HECTD4: variants seen among roughly 807,000 people sequenced by gnomAD.
The protein encoded by HECTD4 is HECT domain E3 ubiquitin protein ligase 4.
Under a neutral mutation model 471.5 loss-of-function variants are expected in HECTD4, and 114 were observed. That is an observed-to-expected ratio of 0.24 (90% confidence interval 0.21 to 0.28). The LOEUF (loss-of-function observed/expected upper bound fraction) is 0.28. Ranked by LOEUF, HECTD4 falls within the 10% of genes least tolerant of loss-of-function variation. The pLI, the probability that HECTD4 is intolerant of heterozygous loss-of-function variation, is 1.00. For missense variants in HECTD4, 3,866 were observed against 5,651.5 expected (o/e 0.68, Z 10.13); for synonymous variants, 2,012 against 2,256.0 (o/e 0.89, Z 3.07).
At chr12:112,190,756 G>C (rs1392160649) in intron 60 of HECTD4, 30 bp downstream of exon 60, 1 of 1,535,866 alleles carries the variant, frequency 6.5e-7, no homozygotes, top group South Asian at 1.3e-5. Context: ...CCCCACCCTA[G>C]ATTCCGATCC....
Position 112,250,252 on chromosome 12 carries a change from G to T in HECTD4, c.3842C>A (p.Pro1281His). Residue 1281 changes from proline (P) to histidine (H), a missense_variant, in exon 25 of 76, where the codon CCT becomes CAT. Transcript: ENST00000682272. ...AGGCAGATCAAAGTAGTTTCCAACA[G>T]GAGGCACGAGGACATCAGAGGGGTA... ...FTYPSDVLVP[P>H]VGNYFDLPRI... 1 of 1,613,996 alleles carries T rather than the reference G, an allele frequency of 6.2e-7. No homozygotes were observed. Among genetic ancestry groups the T allele is most frequent in the Non-Finnish European group, 8.5e-7 (1 of 1,179,870 alleles).
intron 18 of HECTD4, 51 bp from the exon 19 acceptor site, chr12:112,259,316 GA>G: frequency 6.3e-7 from 1 of 1,583,940 alleles, no homozygotes; most frequent in South Asian, 1.1e-5. Flanking sequence ...CCAAACATGT[GA>G]AGAAGCACTA....
chr12:112,171,280 A>G lies in HECTD4; in HGVS notation c.11786-17T>C. The G allele has an allele frequency of 6.3e-7, 1 of 1,588,888 alleles. No individual in the cohort carries two copies. Among genetic ancestry groups the G allele is most frequent in the Non-Finnish European group, 8.6e-7 (1 of 1,168,586 alleles). Reference sequence around the variant, plus strand: ...TGGGCACGTCTGAGGGCGCAGGAGCAGTCAGGCTGAGATCTCGGCCAGGTG... The same window carrying G: ...TGGGCACGTCTGAGGGCGCAGGAGCGGTCAGGCTGAGATCTCGGCCAGGTG... On this transcript the variant is annotated splice_polypyrimidine_tract_variant and intron_variant, in intron 67 of 75. Transcript: ENST00000682272.
Position 112,230,755 on chromosome 12 carries a change from A to G in HECTD4, c.6268T>C (p.Leu2090=). ...GGTGCCATGAGCAAGCTATGTAGCA[A>G]GGCGATCACTTCTGCAGCCATGCTG... ...ANSMAAEVIA[L]LHSLLMAPES... Residue 2090 remains leucine (L), a synonymous_variant, in exon 40 of 76, where the codon TTG becomes CTG. Transcript: ENST00000682272. 4 of 1,611,242 alleles carry G rather than the reference A, an allele frequency of 2.5e-6. No homozygotes were observed. Among genetic ancestry groups the G allele is most frequent in the Non-Finnish European group, 3.4e-6 (4 of 1,178,734 alleles).
chr12:112,164,414 C>A (rs963844886), intron 72 of HECTD4, 139 bp from the exon 73 acceptor site: 9 of 874,006 alleles, frequency 1.0e-5, no homozygotes, highest in Non-Finnish European at 1.6e-5. Flanking sequence ...ACACAGCTTT[C>A]GCCAATCAGA....
chr12:112,346,721 T>C (rs1045606552), intron 1 of HECTD4, among the ~76,000 whole-genome samples: 4 of 152,194 alleles, frequency 2.6e-5, no homozygotes, highest in African/African-American at 9.7e-5. Context: ...ACAGTTGCTC[T>C]GAGAGTCATA....
chr12:112,175,043 C>T (rs1348410697), intron 66 of HECTD4, among the ~76,000 whole-genome samples: 2 of 152,192 alleles, frequency 1.3e-5, no homozygotes, highest in African/African-American at 4.8e-5. Context: ...AAGCTGTGGC[C>T]TAGCTGTGCC....
intron 55 of HECTD4, 50 bp from the exon 56 acceptor site, chr12:112,195,116 C>T: frequency 6.7e-7 from 1 of 1,502,664 alleles, no homozygotes; most frequent in South Asian, 1.2e-5. Flanking sequence ...TGCTCCGGCC[C>T]CCATACCGGG....
At position 112,319,123 on chromosome 12, in the gene HECTD4, A is replaced by C; in HGVS notation, c.695+102T>G. 1.7e-6 allele frequency: 2 copies of C among 1,166,314 alleles called. No individual in the cohort carries two copies. The highest frequency in any genetic ancestry group is 2.4e-6 in the Non-Finnish European group (2 of 843,844). The allele number at this position is 1,166,314 out of a possible 1,614,324, so 72.2% of individuals were successfully genotyped here. On this transcript the variant is annotated intron_variant, in intron 2 of 75. Transcript: ENST00000682272. This position sits in a 1 kb window ranked among gnomAD's most constrained non-coding sequence, Gnocchi z 5.3. ...ACTGAAAGCAAAGAAGGACTTCTGA[A>C]TGTTAAGACTTCTATCAAATATACT...
intron 1 of HECTD4, among the ~76,000 whole-genome samples, chr12:112,380,182 C>T (rs1200762524): frequency 1.3e-5 from 2 of 152,138 alleles, no homozygotes; most frequent in Non-Finnish European, 2.9e-5. Flanking sequence ...TAGTGGCTCA[C>T]GCCTGTAATC....
intron 1 of HECTD4, among the ~76,000 whole-genome samples, chr12:112,349,622 A>C (rs2135735663): frequency 6.6e-6 from 1 of 152,182 alleles, no homozygotes; most frequent in Admixed American, 6.5e-5. Context: ...TCTCAATCTC[A>C]TGCTGAGAAC....
chr12:112,245,935 C>T (rs752922273), intron 29 of HECTD4, among the ~76,000 whole-genome samples: 5 of 151,954 alleles, frequency 3.3e-5, no homozygotes, highest in Non-Finnish European at 7.4e-5. Context: ...GGTTCAAGAC[C>T]AGCCTGGCCA....
intron 1 of HECTD4, among the ~76,000 whole-genome samples, chr12:112,367,580 G>A (rs2135756944): frequency 6.6e-6 from 1 of 151,942 alleles, no homozygotes; most frequent in Middle Eastern, 3.4e-3. Context: ...AGCACTTTGG[G>A]AGGTGGAGGT....
At position 112,162,117 on chromosome 12, in the gene HECTD4, A is replaced by G. The variant is rs1242139761; in HGVS notation, c.*270T>C. The G allele has an allele frequency of 2.7e-5, 11 of 401,784 alleles. No homozygotes were observed. Among genetic ancestry groups the G allele is most frequent in the African/African-American group, 2.2e-4 (11 of 49,406 alleles). 24.9% of individuals were successfully genotyped at this position (401,784 alleles called of 1,614,324 possible). On this transcript the variant is annotated 3_prime_UTR_variant, in exon 76 of 76. Coordinates refer to ENST00000682272, the MANE Select transcript of HECTD4 (RefSeq NM_001388303.1). The surrounding 1 kb of genome is among the most constrained non-coding windows in gnomAD (Gnocchi z 5.2). ...TGGTGGCCATGAGGGACAATGTCCAAGAAGATCAAATTAGACACAAACTGT... is the reference window on the plus strand; with the variant it reads ...TGGTGGCCATGAGGGACAATGTCCAGGAAGATCAAATTAGACACAAACTGT...
Position 112,294,288 on chromosome 12 carries a change from G to A in HECTD4, c.1336-10986C>T, listed in dbSNP as rs537283891. ...TAATTATTATTGGCCACATCTATGT[G>A]ACAAGTATCTACATTATTTAGAAAG... On this transcript the variant is annotated intron_variant, in intron 7 of 75. Transcript: ENST00000682272. 2.6e-5 allele frequency among the ~76,000 whole-genome samples: 4 copies of A among 152,184 alleles called. No homozygotes were observed. The South Asian group carries it at 8.3e-4, about 32-fold the overall frequency.
At chr12:112,167,964 A>G (rs1206425028) in intron 70 of HECTD4, 47 bp from the exon 71 acceptor site, 1 of 1,441,438 alleles carries the variant, frequency 6.9e-7, no homozygotes, top group Non-Finnish European at 9.8e-7. Flanking sequence ...TCCCGGCGGG[A>G]GGCGACACCG....
At chr12:112,352,334 T>A (rs1451193095) in intron 1 of HECTD4, among the ~76,000 whole-genome samples, 1 of 147,448 alleles carries the variant, frequency 6.8e-6, no homozygotes, top group African/African-American at 2.5e-5. Context: ...GGATGGAGCA[T>A]CTTTTTTTTT....
At chr12:112,210,296 A>G in intron 49 of HECTD4, 44 bp from the exon 50 acceptor site, 1 of 1,589,890 alleles carries the variant, frequency 6.3e-7, no homozygotes, top group Non-Finnish European at 8.6e-7. Context: ...ACTTACGTTT[A>G]TTTTTATTTC....
At chr12:112,310,743 C>T (rs2035354316) in intron 4 of HECTD4, among the ~76,000 whole-genome samples, 1 of 152,140 alleles carries the variant, frequency 6.6e-6, no homozygotes, top group Admixed American at 6.5e-5. Flanking sequence ...TAATTTCACA[C>T]CTTAAACATT....
Sources: allele counts gnomAD v4.1 joint callset (sites outside exome capture counted in the v4.1 genomes callset), GRCh38; gene constraint gnomAD v4.1.1; non-coding constraint Gnocchi (gnomAD v3.1); transcripts MANE v1.5; gene names NCBI Gene and HGNC (gene_info 2026-07-23, HGNC 2026-07-21).